TBC1D32: variants seen among roughly 807,000 people sequenced by gnomAD.
TBC1D32 encodes TBC1 domain family member 32.
TBC1D32 carries 151 observed loss-of-function variants against 170.3 expected under a neutral mutation model. The observed-to-expected ratio is 0.89, with a 90% CI of 0.78 to 1.01. The LOEUF is 1.01. Ranked by LOEUF, TBC1D32 falls within the 50% of genes least tolerant of loss-of-function variation. The pLI, the probability that TBC1D32 is intolerant of heterozygous loss-of-function variation, is 0.00. For missense variants in TBC1D32, 1,464 were observed against 1,457.1 expected (o/e 1.00, Z -0.08); for synonymous variants, 498 against 488.0 (o/e 1.02, Z -0.27).
At chr6:121,218,168 C>A (rs142675922) in intron 21 of TBC1D32, among the ~76,000 whole-genome samples, 20 of 152,124 alleles carry the variant, frequency 1.3e-4, no homozygotes, top group African/African-American at 4.8e-4. Flanking sequence ...GGCCATAGGA[C>A]AAACAAAGCA....
Position 121,290,821 on chromosome 6 carries a change from T to C in TBC1D32, c.1372+1232A>G, listed in dbSNP as rs535502763. Among the ~76,000 whole-genome samples the C allele has an allele frequency of 2.0e-4, 30 of 152,134 alleles. No individual in the cohort carries two copies. In the South Asian group the frequency reaches 5.2e-3, roughly 26 times the overall value. ...TACACCATGGAATACTATGCAGCCA[T>C]AAAAAATGATGAGTTCATGTCTTTT... is the stretch of plus-strand genomic sequence containing the variant. On this transcript the variant is annotated intron_variant, in intron 12 of 31. Coordinates refer to ENST00000398212, the MANE Select transcript of TBC1D32 (RefSeq NM_152730.6).
intron 15 of TBC1D32, among the ~76,000 whole-genome samples, chr6:121,274,805 CT>C (rs1217245633): frequency 2.6e-5 from 4 of 152,094 alleles, no homozygotes; most frequent in African/African-American, 9.7e-5. Flanking sequence ...GAAACCCATT[CT>C]GAATAAAGTA....
At chr6:121,131,435 A>G (rs911803728) in intron 25 of TBC1D32, among the ~76,000 whole-genome samples, 192 bp downstream of exon 25, 6 of 151,904 alleles carry the variant, frequency 3.9e-5, no homozygotes, top group African/African-American at 1.4e-4. Flanking sequence ...CAAAAAGAAA[A>G]AAACAATGCT....
In TBC1D32 at chr6:121,092,736, G is replaced by A. The variant is rs369013609; in HGVS notation, c.3466-1695C>T. ...AGTACATGTCTGTGTCCCAATTTCC[G>A]CTTTAATAAAGACACTTGTGATATT... On this transcript the variant is annotated intron_variant, in intron 30 of 31. Coordinates refer to ENST00000398212, the MANE Select transcript of TBC1D32 (RefSeq NM_152730.6). 4.0e-5 allele frequency among the ~76,000 whole-genome samples: 6 copies of A among 151,898 alleles called. No homozygotes were observed. In the South Asian group the frequency reaches 6.2e-4, roughly 16 times the overall value.
intron 24 of TBC1D32, among the ~76,000 whole-genome samples, chr6:121,136,980 T>C (rs1161429318): frequency 6.6e-6 from 1 of 152,088 alleles, no homozygotes; most frequent in African/African-American, 2.4e-5. Flanking sequence ...TAATTAAAAG[T>C]ATATGCATGT....
chr6:121,317,439 A>G, intron 3 of TBC1D32, 56 bp downstream of exon 3: 1 of 1,318,156 alleles, frequency 7.6e-7, no homozygotes, highest in Non-Finnish European at 1.0e-6. Flanking sequence ...AATTTATTGA[A>G]GCTAATTATT....
At position 121,308,093 on chromosome 6, in the gene TBC1D32, A is replaced by C; in HGVS notation, c.573T>G (p.Tyr191Ter). Residue 191 changes from tyrosine (Y) to a stop codon, truncating the protein, a stop_gained, in exon 5 of 32, where the codon TAT becomes TAG. Coordinates refer to ENST00000398212, the MANE Select transcript of TBC1D32 (RefSeq NM_152730.6). LOFTEE classifies it high-confidence loss of function. Reference sequence around the variant, plus strand: ...CTGAACATAATGTTTGCAAGGCTTCATATCTCACCTACAATTTTTTTAAAA... The same window carrying C: ...CTGAACATAATGTTTGCAAGGCTTCCTATCTCACCTACAATTTTTTTAAAA... ...LDPGQPKEVR[Y>*]EALQTLCSAP... 1 of 1,609,982 alleles carries C rather than the reference A, an allele frequency of 6.2e-7. No individual in the cohort carries two copies. The highest frequency in any genetic ancestry group is 1.7e-5 in the Admixed American group (1 of 58,870).
intron 22 of TBC1D32, among the ~76,000 whole-genome samples, chr6:121,182,883 T>G (rs1788711455): frequency 6.6e-6 from 1 of 151,968 alleles, no homozygotes; most frequent in Non-Finnish European, 1.5e-5. Context: ...AAATCCAAAT[T>G]AACAGGTAAA....
chr6:121,192,510 C>A (rs566537960), intron 22 of TBC1D32: 1 of 152,054 alleles, frequency 6.6e-6, no homozygotes, highest in East Asian at 1.9e-4. Flanking sequence ...GGCTCAAATC[C>A]GCTAAGATTG....
chr6:121,306,964 C>T (rs1223298282), intron 5 of TBC1D32, among the ~76,000 whole-genome samples: 1 of 152,000 alleles, frequency 6.6e-6, no homozygotes, highest in South Asian at 2.1e-4. Context: ...GTTTATAAGC[C>T]CTTTCGAATA....
intron 20 of TBC1D32, among the ~76,000 whole-genome samples, chr6:121,229,490 G>C (rs1010168569): frequency 6.6e-6 from 1 of 152,014 alleles, no homozygotes; most frequent in Non-Finnish European, 1.5e-5. Context: ...GATATATGCA[G>C]TTTCCATATT....
chr6:121,265,218 C>T (rs117840299), intron 15 of TBC1D32, among the ~76,000 whole-genome samples: 4,996 of 152,144 alleles, frequency 0.033, 194 homozygotes, highest in East Asian at 0.12. Flanking sequence ...TAGCAAAGTC[C>T]CAGTATATAA....
intron 22 of TBC1D32, among the ~76,000 whole-genome samples, chr6:121,201,632 A>T (rs9401379): frequency 6.6e-6 from 1 of 151,038 alleles, no homozygotes; most frequent in Non-Finnish European, 1.5e-5. Context: ...TCAGTCTCAC[A>T]CTGGGGCTTC....
chr6:121,208,729 G>GGAAA (rs1412318299), intron 21 of TBC1D32, among the ~76,000 whole-genome samples: 1 of 86,918 alleles, frequency 1.2e-5, no homozygotes, highest in African/African-American at 3.6e-5. Flanking sequence ...GAAACACCTG[G>GGAAA]AAAAAAAAAA....
chr6:121,266,753 C>T (rs1168581149), intron 15 of TBC1D32, among the ~76,000 whole-genome samples: 1 of 152,018 alleles, frequency 6.6e-6, no homozygotes, highest in East Asian at 1.9e-4. Context: ...GAGCTCATGT[C>T]CTTTGCAGGC....
chr6:121,229,627 T>C (rs1267474506), intron 20 of TBC1D32, among the ~76,000 whole-genome samples: 1 of 152,156 alleles, frequency 6.6e-6, no homozygotes, highest in African/African-American at 2.4e-5. Flanking sequence ...TTTAATGATG[T>C]TAAGGTGACT....
chr6:121,093,267 A>G (rs1777023105), intron 30 of TBC1D32, among the ~76,000 whole-genome samples: 1 of 152,092 alleles, frequency 6.6e-6, no homozygotes, highest in African/African-American at 2.4e-5. Flanking sequence ...AAATCCCTGT[A>G]ATATGGCTCT....
rs758096005 is a variant in TBC1D32 at position 121,145,823 on chromosome 6, G to T, written c.2774-14071C>A. ...TAATATAGAAGTCCCTGGTCAAGGA[G>T]ATCTACCTGAATAGGATTCAATAAC... On this transcript the variant is annotated intron_variant, in intron 24 of 31. Transcript: ENST00000398212. Among the ~76,000 whole-genome samples, 9 of 152,254 alleles carry T rather than the reference G, an allele frequency of 5.9e-5. No homozygotes were observed. In the South Asian group the frequency reaches 1.9e-3, roughly 32 times the overall value.
chr6:121,212,000 C>T (rs1306884124), intron 21 of TBC1D32, among the ~76,000 whole-genome samples: 1 of 139,696 alleles, frequency 7.2e-6, no homozygotes, highest in Non-Finnish European at 1.5e-5. Flanking sequence ...ACACAACACA[C>T]ACACACACAC....
Sources: gnomAD v4.1 joint callset for allele counts (sites outside exome capture counted in the v4.1 genomes callset) on GRCh38, gnomAD v4.1.1 for gene constraint, MANE v1.5 for transcripts, NCBI Gene and HGNC (gene_info 2026-07-23, HGNC 2026-07-21) for gene names.